SPRYD7: variants seen among roughly 807,000 people sequenced by gnomAD.
SPRYD7 encodes SPRY domain containing 7.
SPRYD7 carries 14 observed loss-of-function variants against 23.8 expected under a neutral mutation model. That is an observed-to-expected ratio of 0.59 (90% CI 0.39 to 0.92). SPRYD7 has a LOEUF of 0.92. SPRYD7 is among the 40% of genes least tolerant of loss of function. The probability of loss-of-function intolerance (pLI) is 0.00; values close to 1 mark genes in which losing one functional copy is unlikely to be tolerated. For synonymous variants in SPRYD7, 75 were observed against 84.9 expected (o/e 0.88, Z 0.64); for missense variants, 194 against 241.7 (o/e 0.80, Z 1.31).
At chr13:49,919,209 G>A (rs1219211329) in intron 4 of SPRYD7, among the ~76,000 whole-genome samples, 1 of 151,514 alleles carries the variant, frequency 6.6e-6, no homozygotes, top group Non-Finnish European at 1.5e-5. Flanking sequence ...TTGAGCTCAG[G>A]AGTTCGAGAT....
chr13:49,916,495 T>C (rs749639113), intron 4 of SPRYD7, among the ~76,000 whole-genome samples: 3 of 151,262 alleles, frequency 2.0e-5, no homozygotes, highest in South Asian at 2.1e-4. Flanking sequence ...AATAAAGGTG[T>C]CAAATGCTCT....
In SPRYD7 at chr13:49,936,236, C is replaced by A; in HGVS notation, c.-1G>T. On this transcript the variant is annotated 5_prime_UTR_variant, in exon 1 of 5. Coordinates refer to ENST00000361840, the MANE Select transcript of SPRYD7 (RefSeq NM_020456.4). ...GGCAGCACAACACCGAGGTGGCCATCGCGCAGGGACCACCGACTCCGCCGC... is the reference window on the plus strand; with the variant it reads ...GGCAGCACAACACCGAGGTGGCCATAGCGCAGGGACCACCGACTCCGCCGC... The A allele has an allele frequency of 6.3e-7, 1 of 1,598,994 alleles. No homozygotes were observed. Among genetic ancestry groups the A allele is most frequent in the Admixed American group, 1.7e-5 (1 of 59,178 alleles).
chr13:49,919,901 C>T (rs1322750256), intron 4 of SPRYD7, among the ~76,000 whole-genome samples: 2 of 150,570 alleles, frequency 1.3e-5, no homozygotes, highest in African/African-American at 4.9e-5. Flanking sequence ...CTCAAAATAA[C>T]CCAAGGAGGG....
chr13:49,922,162 A>C (rs1217577562), intron 3 of SPRYD7, among the ~76,000 whole-genome samples: 3 of 152,002 alleles, frequency 2.0e-5, no homozygotes, highest in Non-Finnish European at 2.9e-5. Flanking sequence ...AATTAGTTTC[A>C]AGTTAAAAAA....
intron 1 of SPRYD7, chr13:49,935,680 T>C (rs192950636): frequency 6.6e-6 from 1 of 152,258 alleles, no homozygotes. Flanking sequence ...GAGAGGAAAA[T>C]TACTTCCAAT....
chr13:49,921,322 TC>T (rs1955817164), intron 4 of SPRYD7, 155 bp downstream of exon 4: 1 of 474,600 alleles, frequency 2.1e-6, no homozygotes, highest in Non-Finnish European at 3.8e-6. Flanking sequence ...TCCTGAGGCC[TC>T]CCCAGCTCTG....
At chr13:49,925,219 C>T (rs1267504015) in intron 3 of SPRYD7, among the ~76,000 whole-genome samples, 4 of 151,116 alleles carry the variant, frequency 2.6e-5, no homozygotes, top group Admixed American at 2.0e-4. Flanking sequence ...GGTGAAACCC[C>T]GTCTCTACTA....
chr13:49,933,241 A>G (rs932804610), intron 1 of SPRYD7, among the ~76,000 whole-genome samples: 7 of 152,204 alleles, frequency 4.6e-5, no homozygotes, highest in Non-Finnish European at 1.0e-4. Context: ...TAACTGAGTC[A>G]AGAACTGCTA....
chr13:49,926,569 G>A (rs2138229839), intron 3 of SPRYD7, among the ~76,000 whole-genome samples: 1 of 151,192 alleles, frequency 6.6e-6, no homozygotes, highest in African/African-American at 2.4e-5. Context: ...GTCAATTCTG[G>A]AAAAAAAACT....
chr13:49,932,390 A>G (rs1848707863), intron 1 of SPRYD7, among the ~76,000 whole-genome samples: 1 of 152,256 alleles, frequency 6.6e-6, no homozygotes, highest in African/African-American at 2.4e-5. Context: ...ATTCTCGTAG[A>G]AAATTTTTTA....
chr13:49,933,111 G>A (rs1313376838), intron 1 of SPRYD7, among the ~76,000 whole-genome samples: 4 of 152,106 alleles, frequency 2.6e-5, no homozygotes, highest in Admixed American at 6.5e-5. Flanking sequence ...TCCCTCTCCC[G>A]ACAGACTTCC....
intron 1 of SPRYD7, among the ~76,000 whole-genome samples, chr13:49,931,791 A>G (rs1464052942): frequency 6.6e-6 from 1 of 151,904 alleles, no homozygotes; most frequent in African/African-American, 2.4e-5. Context: ...TCTATAAAAA[A>G]TACAAAAATT....
intron 3 of SPRYD7, among the ~76,000 whole-genome samples, chr13:49,926,616 T>C (rs1410597622): frequency 6.6e-6 from 1 of 152,172 alleles, no homozygotes; most frequent in Non-Finnish European, 1.5e-5. Context: ...TCATATTTTT[T>C]AAATTGCAAA....
Position 49,936,335 on chromosome 13 carries a change from G to T in SPRYD7, c.-100C>A. 1 of 778,300 alleles carries T rather than the reference G, an allele frequency of 1.3e-6. No individual in the cohort carries two copies. Among genetic ancestry groups the T allele is most frequent in the Non-Finnish European group, 2.0e-6 (1 of 507,836 alleles). The allele number at this position is 778,300 out of a possible 1,614,324, so 48.2% of individuals were successfully genotyped here. A position where few individuals can be genotyped will look rare whatever the true frequency, so the allele number is the denominator to read the frequency against. On this transcript the variant is annotated 5_prime_UTR_variant, in exon 1 of 5. Coordinates refer to ENST00000361840, the MANE Select transcript of SPRYD7 (RefSeq NM_020456.4). ...CTGCCCCCGCCCGAGGTCCGGACTTGTCTATGTGGAGCTCGGAGGCCGGTA... is the reference window on the plus strand; with the variant it reads ...CTGCCCCCGCCCGAGGTCCGGACTTTTCTATGTGGAGCTCGGAGGCCGGTA...
intron 1 of SPRYD7, among the ~76,000 whole-genome samples, chr13:49,931,576 C>T (rs1487327583): frequency 6.6e-6 from 1 of 152,170 alleles, no homozygotes; most frequent in East Asian, 1.9e-4. Context: ...TGAAATATAG[C>T]TGAATTATTT....
rs144516575 is a variant in SPRYD7, at chr13:49,927,324, G to A, written c.390+595C>T. Among the ~76,000 whole-genome samples, 1,451 of 151,924 alleles carry A rather than the reference G, an allele frequency of 9.6e-3. 32 individuals carry two copies. The highest frequency in any genetic ancestry group is 0.032 in the African/African-American group (1,344 of 41,448). On this transcript the variant is annotated intron_variant, in intron 3 of 4. Transcript: ENST00000361840. ...AGCCTGGCCAACATGGCGAAACCCC[G>A]TCTCTACTAAAAATAAAAAAAATCA...
intron 3 of SPRYD7, among the ~76,000 whole-genome samples, chr13:49,925,327 G>A (rs1452634997): frequency 3.3e-5 from 5 of 152,156 alleles, no homozygotes; most frequent in African/African-American, 1.2e-4. Context: ...AGGAGGTGGA[G>A]GTTGCAGTGA....
intron 3 of SPRYD7, among the ~76,000 whole-genome samples, chr13:49,925,252 C>T (rs747343737): frequency 1.3e-5 from 2 of 151,538 alleles, no homozygotes; most frequent in African/African-American, 2.4e-5. Context: ...ATTAGCCAGG[C>T]GTGGTGGCAC....
At chr13:49,927,872 C>A in intron 3 of SPRYD7, 47 bp downstream of exon 3, 1 of 1,598,184 alleles carries the variant, frequency 6.3e-7, no homozygotes, top group South Asian at 1.1e-5. Flanking sequence ...AAAAGCAGTT[C>A]AAATTTAGTC....
Sources: allele counts gnomAD v4.1 joint callset (sites outside exome capture counted in the v4.1 genomes callset), GRCh38; gene constraint gnomAD v4.1.1; transcripts MANE v1.5; gene names NCBI Gene and HGNC (gene_info 2026-07-23, HGNC 2026-07-21).